Variants in SNCAIP observed in about 807,000 individuals in gnomAD.
SNCAIP encodes the protein synphilin-1.
A neutral mutation model predicts 86.7 loss-of-function variants in SNCAIP; 43 were observed. That is an observed-to-expected ratio of 0.50 (90% CI 0.39 to 0.64). The LOEUF is 0.64. SNCAIP is among the 30% of genes least tolerant of loss of function. SNCAIP has a pLI of 0.00. For missense variants in SNCAIP, 981 were observed against 1,103.1 expected (o/e 0.89, Z 1.57); for synonymous variants, 417 against 427.2 (o/e 0.98, Z 0.29).
rs962058870 is a variant in SNCAIP, at chr5:122,403,366, C to T, written c.58-427C>T. On this transcript the variant is annotated intron_variant, in intron 2 of 10. Transcript: ENST00000261368. ...GCACAGACATGTCTCCTGACTGCCC[C>T]GGATGCTGCAGGAAGCCAGGTGCTC... Among the ~76,000 whole-genome samples, 10 of 152,256 alleles carry T rather than the reference C, an allele frequency of 6.6e-5. No homozygotes were observed. In the East Asian group the frequency reaches 1.7e-3, roughly 26 times the overall value.
intron 1 of SNCAIP, chr5:122,389,568 T>C (rs1306835522): frequency 6.6e-6 from 1 of 152,234 alleles, no homozygotes; most frequent in Non-Finnish European, 1.5e-5. Flanking sequence ...AAAAGTGACA[T>C]TTTTATACCA....
intron 1 of SNCAIP, among the ~76,000 whole-genome samples, chr5:122,345,464 A>G (rs759887409): frequency 4.9e-4 from 74 of 152,212 alleles, no homozygotes; most frequent in South Asian, 2.1e-4. Context: ...TTACTTAAAG[A>G]AATGGAAGAA....
intron 7 of SNCAIP, chr5:122,443,817 C>T: frequency 2.6e-6 from 1 of 383,094 alleles, no homozygotes; most frequent in Non-Finnish European, 5.2e-6. Context: ...GATGCTGACT[C>T]TCCAGTGAGT....
chr5:122,460,311 T>G (rs1175754704), intron 10 of SNCAIP, among the ~76,000 whole-genome samples: 1 of 152,088 alleles, frequency 6.6e-6, no homozygotes, highest in African/African-American at 2.4e-5. Context: ...ATTATCCTAA[T>G]TTTGCGTATT....
intron 1 of SNCAIP, among the ~76,000 whole-genome samples, chr5:122,332,546 G>A (rs1460455391): frequency 6.6e-6 from 1 of 152,192 alleles, no homozygotes; most frequent in East Asian, 1.9e-4. Context: ...TGAATTAAGA[G>A]TACTGCCATG....
intron 1 of SNCAIP, among the ~76,000 whole-genome samples, chr5:122,358,645 ACATGGCATGCT>A (rs1395478020): frequency 1.3e-5 from 2 of 152,040 alleles, no homozygotes; most frequent in Non-Finnish European, 2.9e-5. Flanking sequence ...AAAGTTAGAA[ACATGGCATGCT>A]TATGACTGTG....
chr5:122,314,306 C>T (rs1751256975), intron 1 of SNCAIP, among the ~76,000 whole-genome samples: 1 of 152,142 alleles, frequency 6.6e-6, no homozygotes. Context: ...GTTTTTCTTG[C>T]CAGATTTAAG....
intron 2 of SNCAIP, among the ~76,000 whole-genome samples, chr5:122,391,538 A>C (rs1171466784): frequency 6.6e-6 from 1 of 152,232 alleles, no homozygotes; most frequent in Non-Finnish European, 1.5e-5. Flanking sequence ...GCTATTCCAC[A>C]GCCAGCATTT....
At chr5:122,433,712 T>C (rs1778856969) in intron 6 of SNCAIP, among the ~76,000 whole-genome samples, 1 of 152,214 alleles carries the variant, frequency 6.6e-6, no homozygotes, top group African/African-American at 2.4e-5. Context: ...CTGAAAATGA[T>C]TACTGGTTAT....
At chr5:122,404,985 C>T (rs1485632238) in intron 3 of SNCAIP, among the ~76,000 whole-genome samples, 1 of 152,064 alleles carries the variant, frequency 6.6e-6, no homozygotes, top group African/African-American at 2.4e-5. Flanking sequence ...TTTTACTTAC[C>T]TTCACTTGTT....
chr5:122,444,395 TA>T, intron 7 of SNCAIP, 167 bp from the exon 8 acceptor site: 1 of 694,432 alleles, frequency 1.4e-6, no homozygotes, highest in South Asian at 1.6e-5. Flanking sequence ...TTGATAGTAG[TA>T]GGACTGGCTC....
chr5:122,401,008 G>A lies in SNCAIP; in HGVS notation c.58-2785G>A, dbSNP rs773936939. The A allele has an allele frequency of 1.1e-5, 17 of 1,550,084 alleles. 1 individual carries two copies. The South Asian group carries it at 2.0e-4, about 18-fold the overall frequency. ...AAGGACAATAGGAGTCAAGGGAACA[G>A]GCTACAAAAGCTTGGATTGGAGGAC... On this transcript the variant is annotated intron_variant, in intron 2 of 10. Coordinates refer to ENST00000261368, the MANE Select transcript of SNCAIP (RefSeq NM_005460.4).
At chr5:122,398,957 T>C (rs1464219716) in intron 2 of SNCAIP, among the ~76,000 whole-genome samples, 2 of 152,296 alleles carry the variant, frequency 1.3e-5, no homozygotes, top group African/African-American at 4.8e-5. Flanking sequence ...TATAGAATCA[T>C]CTTGTGCCAT....
At chr5:122,371,539 TG>T (rs1364734432) in intron 1 of SNCAIP, 1 of 149,622 alleles carries the variant, frequency 6.7e-6, no homozygotes, top group Non-Finnish European at 1.5e-5. Flanking sequence ...AAAACCTGCA[TG>T]ATTTGTATAT....
At chr5:122,418,384 CTA>C (rs1459019810) in intron 3 of SNCAIP, among the ~76,000 whole-genome samples, 1 of 152,102 alleles carries the variant, frequency 6.6e-6, no homozygotes, top group Non-Finnish European at 1.5e-5. Flanking sequence ...TGCACCTGTA[CTA>C]TGTTTATTTA....
Position 122,412,456 on chromosome 5 carries a change from C to T in SNCAIP, c.130+8591C>T, listed in dbSNP as rs753683104. Among the ~76,000 whole-genome samples, 18 of 152,172 alleles carry T rather than the reference C, an allele frequency of 1.2e-4. No homozygotes were observed. In the South Asian group the frequency reaches 1.2e-3, roughly 11 times the overall value. On this transcript the variant is annotated intron_variant, in intron 3 of 10. Transcript: ENST00000261368. ...ACAATAGTCCCCTCCTTTCTGGAAA[C>T]GGTCACCTCTCTTGGCTTTGTGAGA...
intron 1 of SNCAIP, among the ~76,000 whole-genome samples, chr5:122,319,251 A>C (rs1468879013): frequency 6.6e-6 from 1 of 152,106 alleles, no homozygotes; most frequent in Non-Finnish European, 1.5e-5. Context: ...ACTATGGAAA[A>C]AGGTGTATTT....
Position 122,391,154 on chromosome 5 carries a change from T to A in SNCAIP, c.20T>A (p.Leu7His), listed in dbSNP as rs1304024236. MEAPEYLDLDEIDFSDD... is the reference protein window; with the variant it reads MEAPEYHDLDEIDFSDD... Reference sequence around the variant, plus strand: ...AGAATAATGGAAGCCCCTGAATACCTTGATTTGGATGAAATTGACTTTAGT... The same window carrying A: ...AGAATAATGGAAGCCCCTGAATACCATGATTTGGATGAAATTGACTTTAGT... Residue 7 changes from leucine to histidine, a missense_variant, in exon 2 of 11, where the codon CTT becomes CAT. Transcript: ENST00000261368. The A allele has an allele frequency of 2.5e-6, 4 of 1,611,196 alleles. No homozygotes were observed. The highest frequency in any genetic ancestry group is 3.4e-6 in the Non-Finnish European group (4 of 1,177,344).
chr5:122,340,578 C>T (rs550857847), intron 1 of SNCAIP, among the ~76,000 whole-genome samples: 14 of 152,244 alleles, frequency 9.2e-5, no homozygotes, highest in South Asian at 2.1e-4. Context: ...GTGTCAATAC[C>T]TTGAAGCAAA....
Sources: allele counts gnomAD v4.1 joint callset (sites outside exome capture counted in the v4.1 genomes callset), GRCh38; gene constraint gnomAD v4.1.1; transcripts MANE v1.5; gene names NCBI Gene and HGNC (gene_info 2026-07-23, HGNC 2026-07-21).